Variants in RYR1 observed in about 807,000 individuals in gnomAD.
The protein encoded by RYR1 is ryanodine receptor 1.
In RYR1, 342 loss-of-function variants were observed where a neutral mutation model predicts 583.5. The observed-to-expected ratio is 0.59, with a 90% CI of 0.54 to 0.64. The LOEUF (loss-of-function observed/expected upper bound fraction) is 0.64, where lower values mean the gene tolerates loss of function less well. Among genes scored for constraint, RYR1 ranks in the 30% least tolerant of loss-of-function variants. RYR1 has a pLI of 0.00. For missense variants in RYR1, 6,032 were observed against 6,917.2 expected, an observed-to-expected ratio of 0.87 and a Z score of 4.54; for synonymous variants, 2,791 against 2,822.5, an observed-to-expected ratio of 0.99 and a Z score of 0.35.
intron 16 of RYR1, among the ~76,000 whole-genome samples, chr19:38,457,045 CCAAAAAAAAAAA>C (rs1284844004): frequency 3.8e-3 from 75 of 19,596 alleles, no homozygotes; most frequent in African/African-American, 0.012. Flanking sequence ...GACTCCATCT[CCAAAAAAAAAAA>C]AAAAAAAAAA....
Position 38,459,126 on chromosome 19 carries a change from A to G in RYR1, c.2168-20A>G. On this transcript the variant is annotated intron_variant, in intron 18 of 105. Coordinates refer to ENST00000359596, the MANE Select transcript of RYR1 (RefSeq NM_000540.3). ...CTGTGGGACCTGTGACGTCTGACCCATCTCTGGTGACTGATGCAGGACACG... is the reference window on the plus strand; with the variant it reads ...CTGTGGGACCTGTGACGTCTGACCCGTCTCTGGTGACTGATGCAGGACACG... The G allele has an allele frequency of 6.2e-7, 1 of 1,609,872 alleles. No individual in the cohort carries two copies. Among genetic ancestry groups the G allele is most frequent in the African/African-American group, 1.3e-5 (1 of 74,886 alleles).
At chr19:38,566,777 C>T in intron 91 of RYR1, 134 bp from the exon 92 acceptor site, 1 of 1,504,786 alleles carries the variant, frequency 6.6e-7, no homozygotes, top group Non-Finnish European at 9.0e-7. Context: ...TAATCTGCCT[C>T]TTTCTGGTGG....
Position 38,473,720 on chromosome 19 carries a change from C to T in RYR1, c.4109C>T (p.Ala1370Val). 1 of 1,547,376 alleles carries T rather than the reference C, an allele frequency of 6.5e-7. No individual in the cohort carries two copies. The highest frequency in any genetic ancestry group is 8.7e-7 in the Non-Finnish European group (1 of 1,145,676). The stretch of plus-strand genomic sequence containing the variant: ...CAGGCGGGGGGAGAGGCGCAGCCCG[C>T]CAGGGCGGAGAATGAGAAGGATGCC... The part of the protein sequence containing the change: ...TPQAGGEAQP[A>V]RAENEKDATT... The change falls in exon 28 of 106, where the codon GCC becomes GTC. Residue 1370 changes from alanine to valine, a missense_variant. Ala to Val is a moderately conservative substitution (Grantham distance 64). Coordinates refer to ENST00000359596, the MANE Select transcript of RYR1 (RefSeq NM_000540.3).
At chr19:38,560,749 AAG>A (rs1245354271) in intron 89 of RYR1, among the ~76,000 whole-genome samples, 7 of 149,466 alleles carry the variant, frequency 4.7e-5, no homozygotes, top group African/African-American at 1.5e-4. Flanking sequence ...AAAAAAAAAA[AAG>A]AGAAAGAAAA....
chr19:38,527,629 C>T lies in RYR1; in HGVS notation c.10687-18C>T. 1 of 1,613,884 alleles carries T rather than the reference C, an allele frequency of 6.2e-7. No homozygotes were observed. Among genetic ancestry groups the T allele is most frequent in the Non-Finnish European group, 8.5e-7 (1 of 1,179,990 alleles). ...GGAAGGGTCCCTCACGCCGGCCACT[C>T]CTTCTTCCTCCCTTCAGGTCGAAGG... On this transcript the variant is annotated intron_variant, in intron 72 of 105. Coordinates refer to ENST00000359596, the MANE Select transcript of RYR1 (RefSeq NM_000540.3).
At chr19:38,451,183 TA>T (rs1967056479) in intron 11 of RYR1, among the ~76,000 whole-genome samples, 1 of 152,212 alleles carries the variant, frequency 6.6e-6, no homozygotes, top group Non-Finnish European at 1.5e-5. Flanking sequence ...TGTAGTTGAA[TA>T]CATGAGCCAA....
intron 83 of RYR1, chr19:38,537,229 C>T (rs538362863): frequency 1.7e-5 from 4 of 229,840 alleles, no homozygotes; most frequent in Admixed American, 1.1e-4. Context: ...TTGGTGTGCG[C>T]CTGCCTCCTC....
rs1278454728 is a variant in RYR1, at chr19:38,543,315, G to A, written c.11690-32G>A. ...TGTTCATCTCCCCTAGCACATGGGA[G>A]GTGCTGGATAAATGACTTTTCATCT... On this transcript the variant is annotated intron_variant, in intron 84 of 105. Transcript: ENST00000359596. The surrounding 1 kb of genome is among the most constrained non-coding windows in gnomAD (Gnocchi z 4.4). The A allele has an allele frequency of 6.4e-7, 1 of 1,569,682 alleles. No homozygotes were observed. The highest frequency in any genetic ancestry group is 1.1e-5 in the South Asian group (1 of 90,064).
intron 31 of RYR1, 122 bp from the exon 32 acceptor site, chr19:38,482,905 C>A: frequency 2.3e-6 from 2 of 863,110 alleles, no homozygotes; most frequent in Non-Finnish European, 3.9e-6. Context: ...GACCTCTGAG[C>A]CATTTTGGAG....
intron 49 of RYR1, 112 bp from the exon 50 acceptor site, chr19:38,504,108 C>G: frequency 2.3e-4 from 133 of 574,696 alleles, no homozygotes; most frequent in Non-Finnish European, 2.9e-4. Context: ...ATAACCCACA[C>G]CTCCTTCATA....
At chr19:38,502,790 G>A (rs1353492916) in intron 48 of RYR1, 63 bp downstream of exon 48, 31 of 1,110,154 alleles carry the variant, frequency 2.8e-5, no homozygotes, top group South Asian at 5.2e-5. Context: ...CAGGGGCAGG[G>A]GCAGGGGCAG....
Position 38,543,487 on chromosome 19 carries a change from A to G in RYR1, c.11779-45A>G, listed in dbSNP as rs1418730222. 6.2e-7 allele frequency: 1 copy of G among 1,614,164 alleles called. No homozygotes were observed. Among genetic ancestry groups the G allele is most frequent in the South Asian group, 1.1e-5 (1 of 91,086 alleles). ...GACTTGGGTCGGGGGCTGCAGGGCC[A>G]TGGTCGGCCCCAGCACCCCCTCACA... is the stretch of plus-strand genomic sequence containing the variant. On this transcript the variant is annotated intron_variant, in intron 85 of 105. Transcript: ENST00000359596. This position sits in a 1 kb window ranked among gnomAD's most constrained non-coding sequence, Gnocchi z 4.4.
chr19:38,583,032 C>T (rs940122740), intron 101 of RYR1, among the ~76,000 whole-genome samples: 2 of 152,136 alleles, frequency 1.3e-5, no homozygotes, highest in Non-Finnish European at 2.9e-5. Flanking sequence ...CGCTGTGGCT[C>T]ACGCTTTTAA....
chr19:38,523,004 T>C (rs763932959), intron 67 of RYR1, 24 bp from the exon 68 acceptor site: 3 of 1,434,968 alleles, frequency 2.1e-6, no homozygotes, highest in Non-Finnish European at 2.8e-6. Flanking sequence ...ACCCCCTCCC[T>C]CACCTCCCCT....
At chr19:38,533,352 T>C (rs117228790) in intron 78 of RYR1, among the ~76,000 whole-genome samples, 3,449 of 152,334 alleles carry the variant, frequency 0.023, 93 homozygotes, top group Admixed American at 0.072. Flanking sequence ...GAGTCCCTTC[T>C]GGCATCTGGT....
chr19:38,570,309 G>A (rs898569050), intron 93 of RYR1, among the ~76,000 whole-genome samples: 2 of 151,908 alleles, frequency 1.3e-5, no homozygotes, highest in Non-Finnish European at 2.9e-5. Flanking sequence ...CAAATTAGCT[G>A]GGCGTGGTGG....
Position 38,543,515 on chromosome 19 carries a change from C to T in RYR1, c.11779-17C>T. The T allele has an allele frequency of 6.2e-7, 1 of 1,614,194 alleles. No homozygotes were observed. The highest frequency in any genetic ancestry group is 8.5e-7 in the Non-Finnish European group (1 of 1,180,018). ...GTCGGCCCCAGCACCCCCTCACACC[C>T]TACCCGCCCCCACCAGGAATCCATC... On this transcript the variant is annotated splice_polypyrimidine_tract_variant and intron_variant, in intron 85 of 105. Transcript: ENST00000359596. The surrounding 1 kb of genome is among the most constrained non-coding windows in gnomAD (Gnocchi z 4.4).
At chr19:38,480,838 G>T (rs192142488) in intron 31 of RYR1, among the ~76,000 whole-genome samples, 19 of 151,538 alleles carry the variant, frequency 1.3e-4, no homozygotes, top group African/African-American at 4.4e-4. Flanking sequence ...TTCGCCTCCC[G>T]GGCTCAAGCC....
At position 38,483,329 on chromosome 19, in the gene RYR1, C is replaced by A. The variant is rs754476250; in HGVS notation, c.4747C>A (p.Arg1583Ser). The A allele has an allele frequency of 1.3e-6, 2 of 1,559,952 alleles. No homozygotes were observed. The highest frequency in any genetic ancestry group is 1.7e-6 in the Non-Finnish European group (2 of 1,152,008). Residue 1583 changes from arginine (R) to serine (S), a missense_variant, in exon 33 of 106, where the codon CGC becomes AGC. By Grantham distance (110) the Arg-to-Ser change is moderately radical. This residue lies in a region of RYR1 where 2,627 missense variants were observed against 2,961.3 expected (regional missense o/e 0.89). Coordinates refer to ENST00000359596, the MANE Select transcript of RYR1 (RefSeq NM_000540.3). The surrounding 1 kb of genome is among the most constrained non-coding windows in gnomAD (Gnocchi z 6.3). ...GTCAGCCGCCATGTTCCAAAGCGAG[C>A]GCAAGAACCCGGCCCCGCAGTGCCC... ...PLSAAMFQSERKNPAPQCPPR... is the reference protein window; with the variant it reads ...PLSAAMFQSESKNPAPQCPPR...
Sources: allele counts gnomAD v4.1 joint callset (sites outside exome capture counted in the v4.1 genomes callset), GRCh38; gene constraint gnomAD v4.1.1; regional missense constraint gnomAD v4.1.1; non-coding constraint Gnocchi (gnomAD v3.1); transcripts MANE v1.5; gene names NCBI Gene and HGNC (gene_info 2026-07-23, HGNC 2026-07-21).